FAH: variants seen among roughly 807,000 people sequenced by gnomAD.
The protein encoded by FAH is fumarylacetoacetate hydrolase, also known as fumarylacetoacetase.
FAH carries 47 observed loss-of-function variants against 55.8 expected under a neutral mutation model. The ratio of observed to expected loss-of-function variants is 0.84; its 90% CI spans 0.67 to 1.07. The LOEUF (loss-of-function observed/expected upper bound fraction) is 1.07. FAH is among the 50% of genes least tolerant of loss of function. The probability of loss-of-function intolerance (pLI) is 0.00; values close to 1 mark genes in which losing one functional copy is unlikely to be tolerated. For missense variants in FAH, 495 were observed against 545.9 expected, an observed-to-expected ratio of 0.91 and a Z score of 0.93; for synonymous variants, 199 against 207.7, an observed-to-expected ratio of 0.96 and a Z score of 0.36.
At chr15:80,154,859 A>G (rs973995499) in intron 1 of FAH, among the ~76,000 whole-genome samples, 1 of 152,022 alleles carries the variant, frequency 6.6e-6, no homozygotes, top group African/African-American at 2.4e-5. Flanking sequence ...GCTCTCTGTG[A>G]AGGTAGGGGT....
At chr15:80,176,346 C>G (rs1367155233) in intron 10 of FAH, among the ~76,000 whole-genome samples, 1 of 152,202 alleles carries the variant, frequency 6.6e-6, no homozygotes, top group Non-Finnish European at 1.5e-5. Context: ...TCTGCTCTGT[C>G]TGTACACTCC....
At chr15:80,185,971 G>A (rs1052456435) in intron 13 of FAH, among the ~76,000 whole-genome samples, 159 bp from the exon 14 acceptor site, 5 of 152,314 alleles carry the variant, frequency 3.3e-5, no homozygotes, top group Admixed American at 2.6e-4. Flanking sequence ...CCCAGCTTCC[G>A]TGGAGGGTTA....
At chr15:80,174,416 G>A (rs2041265783) in intron 9 of FAH, among the ~76,000 whole-genome samples, 1 of 152,172 alleles carries the variant, frequency 6.6e-6, no homozygotes, top group African/African-American at 2.4e-5. Context: ...TATTAAGAAG[G>A]GAACTTTATA....
At chr15:80,158,683 G>A (rs1330255696) in intron 2 of FAH, among the ~76,000 whole-genome samples, 5 of 152,192 alleles carry the variant, frequency 3.3e-5, no homozygotes, top group African/African-American at 1.2e-4. Flanking sequence ...GGGTCAGGAA[G>A]GAGGGTGGGA....
At chr15:80,176,594 C>G (rs1430716933) in intron 10 of FAH, among the ~76,000 whole-genome samples, 5 of 152,214 alleles carry the variant, frequency 3.3e-5, no homozygotes, top group Non-Finnish European at 5.9e-5. Flanking sequence ...AAAGGATTCA[C>G]CCCGAGCCAC....
intron 5 of FAH, among the ~76,000 whole-genome samples, chr15:80,164,880 A>C (rs1218401016): frequency 6.6e-6 from 1 of 152,248 alleles, no homozygotes; most frequent in Non-Finnish European, 1.5e-5. Flanking sequence ...CAGGTTACAC[A>C]TGCATGACCA....
chr15:80,167,084 C>T (rs368483000), intron 5 of FAH: 1 of 151,278 alleles, frequency 6.6e-6, no homozygotes. Context: ...CCTGTAATAG[C>T]CTTTGTTTGT....
intron 8 of FAH, 34 bp from the exon 9 acceptor site, chr15:80,172,980 C>T (rs1438599785): frequency 6.2e-6 from 10 of 1,614,058 alleles, no homozygotes; most frequent in African/African-American, 1.3e-5. Flanking sequence ...CCTGATCAGC[C>T]TTTGTAAGTC....
rs115086373 is a variant in FAH, at chr15:80,179,117, C to T, written c.961-1007C>T. ...CAAACAGTTTTTTGAAGTGGTTATACCAGTATATACTCCCACTAGCAGCAT... is the reference window on the plus strand; with the variant it reads ...CAAACAGTTTTTTGAAGTGGTTATATCAGTATATACTCCCACTAGCAGCAT... On this transcript the variant is annotated intron_variant, in intron 11 of 13. Coordinates refer to ENST00000561421, the MANE Select transcript of FAH (RefSeq NM_000137.4). Among the ~76,000 whole-genome samples, 702 of 152,252 alleles carry T rather than the reference C, an allele frequency of 4.6e-3. 4 individuals carry two copies. Among genetic ancestry groups the T allele is most frequent in the African/African-American group, 0.017 (687 of 41,556 alleles).
chr15:80,153,168 G>A (rs755880952), intron 1 of FAH, 33 bp downstream of exon 1: 2 of 1,531,788 alleles, frequency 1.3e-6, no homozygotes, highest in East Asian at 4.7e-5. Flanking sequence ...CCGGGCGCGG[G>A]GAGGGAGTGG....
rs533493849 is a variant in FAH, at chr15:80,177,480, T to C, written c.914-57T>C. On this transcript the variant is annotated intron_variant, in intron 10 of 13. Transcript: ENST00000561421. ...AGCCACAGAACAATTCTTTTTTTAT[T>C]TTCCTCCCTGATGCATGGAATTAAG... 1,598 of 1,442,760 alleles carry C rather than the reference T, an allele frequency of 1.1e-3. 19 individuals carry two copies. Among genetic ancestry groups the C allele is most frequent in the South Asian group, 8.5e-3 (742 of 87,726 alleles). 89.4% of individuals were successfully genotyped at this position (1,442,760 alleles called of 1,614,324 possible). A position where few individuals can be genotyped will look rare whatever the true frequency, so the allele number is the denominator to read the frequency against.
chr15:80,184,681 C>T (rs1375006884), intron 13 of FAH, among the ~76,000 whole-genome samples: 2 of 152,172 alleles, frequency 1.3e-5, no homozygotes, highest in South Asian at 2.1e-4. Context: ...TCGTTGCTCT[C>T]GACAAAGGGC....
intron 9 of FAH, 169 bp downstream of exon 9, chr15:80,173,313 G>T: frequency 1.2e-6 from 1 of 815,714 alleles, no homozygotes; most frequent in Non-Finnish European, 2.1e-6. Context: ...TTACTTCCAG[G>T]CAGCCAGGGC....
chr15:80,181,189 T>C (rs201444407), intron 13 of FAH, 30 bp downstream of exon 13: 2 of 1,491,044 alleles, frequency 1.3e-6, no homozygotes, highest in Admixed American at 1.7e-5. Flanking sequence ...GCAGCTCGTC[T>C]TCCTCCTTGC....
intron 9 of FAH, among the ~76,000 whole-genome samples, chr15:80,174,342 C>T (rs575783413): frequency 1.3e-5 from 2 of 152,316 alleles, no homozygotes; most frequent in African/African-American, 4.8e-5. Context: ...CACTACTATT[C>T]CCCCTCTGAA....
At chr15:80,168,965 A>G (rs2041218777) in intron 7 of FAH, among the ~76,000 whole-genome samples, 1 of 152,362 alleles carries the variant, frequency 6.6e-6, no homozygotes, top group Non-Finnish European at 1.5e-5. Flanking sequence ...AACAGGCTAT[A>G]TAGTTAGGTT....
In FAH at chr15:80,177,547, G is replaced by A; in HGVS notation, c.924G>A (p.Met308Ile). 2 of 1,614,022 alleles carry A rather than the reference G, an allele frequency of 1.2e-6. No homozygotes were observed. The highest frequency in any genetic ancestry group is 1.7e-6 in the Non-Finnish European group (2 of 1,179,848). Residue 308 changes from methionine to isoleucine, a missense_variant, in exon 11 of 14, where the codon ATG becomes ATA. By Grantham distance (10) the Met-to-Ile change is conservative. Coordinates refer to ENST00000561421, the MANE Select transcript of FAH (RefSeq NM_000137.4). ...TTTTCTTTCCAACAGGAGAAGGAAT[G>A]AGCCAGGCGGCTACCATATGCAAGT... ...NLSVNLKGEGMSQAATICKSN... is the reference protein window; with the variant it reads ...NLSVNLKGEGISQAATICKSN...
chr15:80,152,799 G>A (rs560774326), upstream of FAH: 364 of 450,016 alleles, frequency 8.1e-4, 1 homozygote, highest in African/African-American at 7.9e-3. Flanking sequence ...GCTCTGGAAG[G>A]GCGGGCGAGA....
At chr15:80,155,361 G>A (rs2041089297) in intron 1 of FAH, among the ~76,000 whole-genome samples, 1 of 152,158 alleles carries the variant, frequency 6.6e-6, no homozygotes, top group Admixed American at 6.5e-5. Context: ...GAGATTTACA[G>A]ATATTAATTA....
Sources: allele counts gnomAD v4.1 joint callset (sites outside exome capture counted in the v4.1 genomes callset), GRCh38; gene constraint gnomAD v4.1.1; transcripts MANE v1.5; gene names NCBI Gene and HGNC (gene_info 2026-07-23, HGNC 2026-07-21).